Variants in CHST13 observed in about 807,000 individuals in gnomAD.
The protein encoded by CHST13 is carbohydrate sulfotransferase 13, also known as C4ST-3.
Under a neutral mutation model 7.0 loss-of-function variants are expected in CHST13, and 1 was observed. The observed-to-expected ratio is 0.14, with a 90% confidence interval of 0.05 to 0.68. The LOEUF is 0.68. Ranked by LOEUF, CHST13 falls within the 30% of genes least tolerant of loss-of-function variation. CHST13 has a pLI of 0.82. For synonymous variants in CHST13, 257 were observed against 240.9 expected (o/e 1.07, Z -0.62); for missense variants, 572 against 507.9 (o/e 1.13, Z -1.21).
rs574367973 is a variant in CHST13 at position 126,541,746 on chromosome 3, C to A, written c.194C>A (p.Thr65Asn). Residue 65 changes from threonine (T) to asparagine (N), a missense_variant, in exon 3 of 3, where the codon ACC becomes AAC. Physicochemically the swap from Thr to Asn is moderately conservative, Grantham distance 65. Transcript: ENST00000319340. ...TGTCGCCCACAGGACCCGCGCTCGACCCTGGCGAAGGTGCACCGGCAGCGG... is the reference window on the plus strand; with the variant it reads ...TGTCGCCCACAGGACCCGCGCTCGAACCTGGCGAAGGTGCACCGGCAGCGG... The part of the protein sequence containing the change: ...LYDLDQDPRS[T>N]LAKVHRQRRD... 7.4e-5 allele frequency: 110 copies of A among 1,491,396 alleles called. 1 individual carries two copies. The East Asian group carries it at 1.8e-3, about 25-fold the overall frequency. The allele number at this position is 1,491,396 out of a possible 1,614,324, so 92.4% of individuals were successfully genotyped here.
intron 1 of CHST13, among the ~76,000 whole-genome samples, chr3:126,535,689 C>T (rs995828135): frequency 6.6e-6 from 1 of 152,286 alleles, no homozygotes; most frequent in Non-Finnish European, 1.5e-5. Context: ...TCCCTCTTCT[C>T]ATCTGGAGAT....
In CHST13 at chr3:126,542,689, C is replaced by G; in HGVS notation, c.*111C>G. On this transcript the variant is annotated 3_prime_UTR_variant, in exon 3 of 3. Coordinates refer to ENST00000319340, the MANE Select transcript of CHST13 (RefSeq NM_152889.3). ...CCCTCTTCAAGAGCCACTGCGTGCACTCACCTGGCCGCCGGGCCAGCGGGC... is the reference window on the plus strand; with the variant it reads ...CCCTCTTCAAGAGCCACTGCGTGCAGTCACCTGGCCGCCGGGCCAGCGGGC... The G allele has an allele frequency of 7.4e-7, 1 of 1,347,718 alleles. No individual in the cohort carries two copies. Among genetic ancestry groups the G allele is most frequent in the Non-Finnish European group, 9.5e-7 (1 of 1,048,504 alleles). 83.5% of individuals were successfully genotyped at this position (1,347,718 alleles called of 1,614,324 possible).
At chr3:126,535,274 G>A (rs1936755735) in intron 1 of CHST13, among the ~76,000 whole-genome samples, 2 of 145,770 alleles carry the variant, frequency 1.4e-5, no homozygotes, top group Admixed American at 1.4e-4. Flanking sequence ...CAGCATCACT[G>A]TCCTCAGCTG....
At chr3:126,529,932 G>A (rs1196327254) in intron 1 of CHST13, among the ~76,000 whole-genome samples, 1 of 152,258 alleles carries the variant, frequency 6.6e-6, no homozygotes, top group Non-Finnish European at 1.5e-5. Flanking sequence ...CCCCTTGGCA[G>A]GGGGTGGCAG....
chr3:126,525,965 G>A (rs895101922), intron 1 of CHST13, among the ~76,000 whole-genome samples: 3 of 152,126 alleles, frequency 2.0e-5, no homozygotes, highest in African/African-American at 7.2e-5. Flanking sequence ...TTAGGAGGAC[G>A]GCTCCGAACC....
In CHST13 at chr3:126,526,560, G is replaced by A. The variant is rs1384709650; in HGVS notation, c.97+2131G>A. ...CTTCTCCAGAGCCAGAGGTGCTGCC[G>A]TAAGTTGGGCAAGGGGCCACTGAAG... On this transcript the variant is annotated intron_variant, in intron 1 of 2. Transcript: ENST00000319340. Among the ~76,000 whole-genome samples the A allele has an allele frequency of 5.3e-5, 8 of 152,342 alleles. No homozygotes were observed. In the East Asian group the frequency reaches 1.2e-3, roughly 22 times the overall value.
At chr3:126,534,660 G>T (rs1380913318) in intron 1 of CHST13, among the ~76,000 whole-genome samples, 1 of 148,862 alleles carries the variant, frequency 6.7e-6, no homozygotes, top group Non-Finnish European at 1.5e-5. Flanking sequence ...CAGATAGACA[G>T]CATTGCTGTC....
Position 126,524,456 on chromosome 3 carries a change from A to G in CHST13, c.97+27A>G, listed in dbSNP as rs921893823. ...TGAGTGCCCGCCGGCCGAGCCGCGCACCCCCAACCAAACCTGGCTCCTCGC... is the reference window on the plus strand; with the variant it reads ...TGAGTGCCCGCCGGCCGAGCCGCGCGCCCCCAACCAAACCTGGCTCCTCGC... On this transcript the variant is annotated intron_variant, in intron 1 of 2. Coordinates refer to ENST00000319340, the MANE Select transcript of CHST13 (RefSeq NM_152889.3). 38 of 890,198 alleles carry G rather than the reference A, an allele frequency of 4.3e-5. No individual in the cohort carries two copies. The African/African-American group carries it at 5.6e-4, about 13-fold the overall frequency. 55.1% of individuals were successfully genotyped at this position (890,198 alleles called of 1,614,324 possible).
chr3:126,533,909 T>A (rs1936710645), intron 1 of CHST13, among the ~76,000 whole-genome samples: 1 of 152,328 alleles, frequency 6.6e-6, no homozygotes, highest in South Asian at 2.1e-4. Flanking sequence ...TTGTTATGGG[T>A]CTGCTGAGAT....
At position 126,541,936 on chromosome 3, in the gene CHST13, C is replaced by T. The variant is rs771505966; in HGVS notation, c.384C>T (p.Ser128=). The T allele has an allele frequency of 3.8e-6, 6 of 1,590,702 alleles. No individual in the cohort carries two copies. Among genetic ancestry groups the T allele is most frequent in the South Asian group, 3.4e-5 (3 of 88,172 alleles). ...TNWKRVLLAL[S]GQARGDPRAI... is the part of the protein sequence containing the mutation. The stretch of plus-strand genomic sequence containing the variant: ...GGAAGCGCGTGCTGCTGGCGCTGAG[C>T]GGCCAAGCCCGCGGCGACCCGCGCG... Residue 128 remains serine (S), a synonymous_variant, in exon 3 of 3, where the codon AGC becomes AGT. Coordinates refer to ENST00000319340, the MANE Select transcript of CHST13 (RefSeq NM_152889.3).
intron 1 of CHST13, among the ~76,000 whole-genome samples, chr3:126,524,669 G>C (rs1936501679): frequency 6.6e-6 from 1 of 152,176 alleles, no homozygotes; most frequent in Non-Finnish European, 1.5e-5. Context: ...ACTGTTTTGA[G>C]TCCCACAGCC....
chr3:126,529,012 C>T (rs1189735549), intron 1 of CHST13: 2 of 344,528 alleles, frequency 5.8e-6, no homozygotes, highest in Non-Finnish European at 1.1e-5. Flanking sequence ...CTGCTTATCT[C>T]CTCTTGCAAC....
At chr3:126,538,748 T>A (rs1254721514) in intron 2 of CHST13, among the ~76,000 whole-genome samples, 3 of 152,318 alleles carry the variant, frequency 2.0e-5, no homozygotes, top group Admixed American at 2.0e-4. Flanking sequence ...GTCTCCCAGG[T>A]GTCCCCATAC....
At chr3:126,525,620 G>T (rs1450609442) in intron 1 of CHST13, among the ~76,000 whole-genome samples, 1 of 152,118 alleles carries the variant, frequency 6.6e-6, no homozygotes, top group Admixed American at 6.5e-5. Flanking sequence ...GGCTGCCACA[G>T]CCTCTGTCCA....
In CHST13 at chr3:126,524,397, T is replaced by A. The variant is rs1936494788; in HGVS notation, c.65T>A (p.Leu22His). Residue 22 changes from leucine to histidine, a missense_variant, in exon 1 of 3, where the codon CTC (leucine) becomes CAC (histidine). Leu to His is a moderately conservative substitution (Grantham distance 99, BLOSUM62 -3). Coordinates refer to ENST00000319340, the MANE Select transcript of CHST13 (RefSeq NM_152889.3). ...GCCTGTCTGGGCGCCGCGCTCCTGCTCCTATGCGCCGCGCCCCGCTCCCTG... is the reference window on the plus strand; with the variant it reads ...GCCTGTCTGGGCGCCGCGCTCCTGCACCTATGCGCCGCGCCCCGCTCCCTG... ...AAACLGAALL[L>H]LCAAPRSLRP... 1 of 1,219,240 alleles carries A rather than the reference T, an allele frequency of 8.2e-7. No individual in the cohort carries two copies. The allele number at this position is 1,219,240 out of a possible 1,614,324, so 75.5% of individuals were successfully genotyped here.
chr3:126,536,383 GC>G, intron 2 of CHST13, 30 bp downstream of exon 2: 3 of 1,561,340 alleles, frequency 1.9e-6, no homozygotes, highest in Non-Finnish European at 2.6e-6. Flanking sequence ...ACCCAGGCAT[GC>G]CCCCCTCCAT....
chr3:126,542,710 C>CG lies in CHST13; in HGVS notation c.*135dup, dbSNP rs1343832658. 6.9e-6 allele frequency: 9 copies of CG among 1,298,058 alleles called. No homozygotes were observed. The highest frequency in any genetic ancestry group is 4.9e-6 in the Non-Finnish European group (5 of 1,010,544). The allele number at this position is 1,298,058 out of a possible 1,614,324, so 80.4% of individuals were successfully genotyped here. A position where few individuals can be genotyped will look rare whatever the true frequency, so the allele number is the denominator to read the frequency against. On this transcript the variant is annotated 3_prime_UTR_variant, in exon 3 of 3. Transcript: ENST00000319340. ...TGCACTCACCTGGCCGCCGGGCCAG[C>CG]GGGCGCAGGGCACACCTGGCCAGGC...
intron 2 of CHST13, among the ~76,000 whole-genome samples, chr3:126,536,601 G>C (rs570310099): frequency 6.6e-6 from 1 of 152,156 alleles, no homozygotes; most frequent in Admixed American, 6.5e-5. Flanking sequence ...ATAGTTCTTT[G>C]TGTTGCAGAT....
chr3:126,539,759 A>AAAAGTGTG (rs2107571470), intron 2 of CHST13, among the ~76,000 whole-genome samples: 1 of 70,758 alleles, frequency 1.4e-5, no homozygotes, highest in African/African-American at 6.6e-5. Flanking sequence ...CACACACTCC[A>AAAAGTGTG]CACCACACAC....
Sources: gnomAD v4.1 joint callset for allele counts (sites outside exome capture counted in the v4.1 genomes callset) on GRCh38, gnomAD v4.1.1 for gene constraint, MANE v1.5 for transcripts, NCBI Gene and HGNC (gene_info 2026-07-23, HGNC 2026-07-21) for gene names.